Variants in TMEM132D observed in about 807,000 individuals in gnomAD.
TMEM132D encodes mature OL transmembrane protein.
Under a neutral mutation model 62.3 loss-of-function variants are expected in TMEM132D, and 21 were observed. The ratio of observed to expected loss-of-function variants is 0.34; its 90% CI spans 0.24 to 0.49. TMEM132D has a LOEUF of 0.49. Among genes scored for constraint, TMEM132D ranks in the 20% least tolerant of loss-of-function variants. The pLI, the probability that TMEM132D is intolerant of heterozygous loss-of-function variation, is 0.99. For synonymous variants in TMEM132D, 621 were observed against 575.6 expected (o/e 1.08, Z -1.13); for missense variants, 1,346 against 1,402.8 (o/e 0.96, Z 0.65).
rs537406915 is a variant in TMEM132D, at chr12:129,415,356, G to A, written c.1116-77539C>T. Among the ~76,000 whole-genome samples the A allele has an allele frequency of 5.5e-4, 84 of 152,188 alleles. 2 individuals are homozygous for A. In the South Asian group the frequency reaches 0.015, roughly 27 times the overall value. On this transcript the variant is annotated intron_variant, in intron 3 of 8. Transcript: ENST00000422113. ...TTGTTTCCTCTGTCTTTTTGGTAACGGCCATTCTAACAGGTATGTGAGGGG... is the reference window on the plus strand; with the variant it reads ...TTGTTTCCTCTGTCTTTTTGGTAACAGCCATTCTAACAGGTATGTGAGGGG...
chr12:129,189,003 C>G (rs1878306426), intron 5 of TMEM132D, among the ~76,000 whole-genome samples: 1 of 152,118 alleles, frequency 6.6e-6, no homozygotes, highest in Non-Finnish European at 1.5e-5. Flanking sequence ...TTGGTTACAA[C>G]AGAATTGATG....
intron 4 of TMEM132D, among the ~76,000 whole-genome samples, chr12:129,321,620 G>C (rs567947086): frequency 1.3e-5 from 2 of 151,644 alleles, no homozygotes; most frequent in Admixed American, 6.6e-5. Context: ...GCAGTGGCGC[G>C]ATCTCAGCTC....
chr12:129,574,502 C>T (rs1877602336), intron 2 of TMEM132D, among the ~76,000 whole-genome samples: 1 of 151,920 alleles, frequency 6.6e-6, no homozygotes, highest in South Asian at 2.1e-4. Flanking sequence ...CGAAATGATG[C>T]TACATTAGCC....
At chr12:129,303,136 C>T (rs1881764822) in intron 4 of TMEM132D, among the ~76,000 whole-genome samples, 2 of 151,988 alleles carry the variant, frequency 1.3e-5, no homozygotes, top group African/African-American at 4.8e-5. Context: ...GTGTCCCTTG[C>T]AGCCTCCACC....
chr12:129,093,630 A>G (rs1436122553), intron 5 of TMEM132D, among the ~76,000 whole-genome samples: 2 of 152,226 alleles, frequency 1.3e-5, no homozygotes, highest in Non-Finnish European at 2.9e-5. Flanking sequence ...TATAGATTCA[A>G]TGTCATCTCC....
rs756223010 is a variant in TMEM132D, at chr12:129,149,241, A to G, written c.1443+60279T>C. On this transcript the variant is annotated intron_variant, in intron 5 of 8. Transcript: ENST00000422113. ...AGGGCCTGTTGGGGGGTGGGGGGCAAGGGGAGGGAGAGCACAAGAACAAAT... is the reference window on the plus strand; with the variant it reads ...AGGGCCTGTTGGGGGGTGGGGGGCAGGGGGAGGGAGAGCACAAGAACAAAT... Among the ~76,000 whole-genome samples the G allele has an allele frequency of 7.6e-4, 110 of 145,052 alleles. 1 individual carries two copies. The highest frequency in any genetic ancestry group is 1.4e-3 in the Non-Finnish European group (91 of 65,920).
intron 4 of TMEM132D, among the ~76,000 whole-genome samples, chr12:129,254,715 C>A (rs1031748961): frequency 2.8e-4 from 42 of 152,274 alleles, no homozygotes; most frequent in African/African-American, 9.9e-4. Flanking sequence ...AGCACAGGCA[C>A]CGCCAAGGCA....
chr12:129,348,502 C>A (rs1282003482), intron 3 of TMEM132D, among the ~76,000 whole-genome samples: 12 of 151,902 alleles, frequency 7.9e-5, no homozygotes, highest in African/African-American at 2.9e-4. Flanking sequence ...GGGAGTTTAA[C>A]AATGAGAACA....
intron 1 of TMEM132D, among the ~76,000 whole-genome samples, chr12:129,770,143 G>GTTTTTTTTTTTTTTTTTTTTGTTTT (rs71082754): frequency 7.8e-6 from 1 of 128,106 alleles, no homozygotes; most frequent in Non-Finnish European, 1.5e-5. Flanking sequence ...TTTTTTGGTT[G>GTTTTTTTTTTTTTTTTTTTTGTTTT]TTTTTTTTTT....
intron 3 of TMEM132D, among the ~76,000 whole-genome samples, chr12:129,446,566 T>C (rs1873103285): frequency 6.6e-6 from 1 of 152,206 alleles, no homozygotes; most frequent in African/African-American, 2.4e-5. Flanking sequence ...TTAATGTCCA[T>C]TTTGTCCCGT....
At chr12:129,570,192 A>G (rs1877474111) in intron 2 of TMEM132D, among the ~76,000 whole-genome samples, 1 of 152,232 alleles carries the variant, frequency 6.6e-6, no homozygotes, top group East Asian at 1.9e-4. Context: ...AGTTGCTTAA[A>G]TAAATAATGG....
At chr12:129,755,507 T>C (rs1177872774) in intron 1 of TMEM132D, among the ~76,000 whole-genome samples, 1 of 152,144 alleles carries the variant, frequency 6.6e-6, no homozygotes, top group Non-Finnish European at 1.5e-5. Context: ...GGGAGCCCCC[T>C]GTGACCCGAT....
intron 1 of TMEM132D, among the ~76,000 whole-genome samples, chr12:129,786,381 C>T (rs1308462508): frequency 1.3e-5 from 2 of 152,098 alleles, no homozygotes; most frequent in East Asian, 3.9e-4. Flanking sequence ...AATACAAATG[C>T]ACAAGGGAGG....
At position 129,338,403 on chromosome 12, in the gene TMEM132D, C is replaced by T. The variant is rs77841618; in HGVS notation, c.1116-586G>A. On this transcript the variant is annotated intron_variant, in intron 3 of 8. Transcript: ENST00000422113. ...TATTACGTGGAGATGGGAGTCATTG[C>T]GACAAAGACTGGTTTCTAGACCCTC... Among the ~76,000 whole-genome samples, 894 of 152,192 alleles carry T rather than the reference C, an allele frequency of 5.9e-3. 11 individuals carry two copies. The highest frequency in any genetic ancestry group is 0.02 in the African/African-American group (837 of 41,534).
intron 5 of TMEM132D, among the ~76,000 whole-genome samples, chr12:129,167,843 G>A (rs1289364252): frequency 1.3e-5 from 2 of 152,068 alleles, no homozygotes; most frequent in South Asian, 2.1e-4. Context: ...GCTCCAGGAA[G>A]TGAAAAGAAC....
intron 3 of TMEM132D, among the ~76,000 whole-genome samples, chr12:129,433,032 C>A (rs961857706): frequency 6.6e-6 from 1 of 152,186 alleles, no homozygotes; most frequent in African/African-American, 2.4e-5. Context: ...GATGTGTACA[C>A]TTTTGTATTT....
chr12:129,620,834 G>A (rs995011436), intron 2 of TMEM132D, among the ~76,000 whole-genome samples: 1 of 152,190 alleles, frequency 6.6e-6, no homozygotes, highest in African/African-American at 2.4e-5. Flanking sequence ...GGATGAGGAA[G>A]AGGAAGGGAA....
intron 1 of TMEM132D, among the ~76,000 whole-genome samples, chr12:129,771,650 A>C (rs1870753609): frequency 2.0e-5 from 3 of 152,230 alleles, no homozygotes; most frequent in African/African-American, 4.8e-5. Context: ...GAAGAGTATC[A>C]AAATGGTCCT....
chr12:129,138,081 G>A (rs1246879050), intron 5 of TMEM132D, among the ~76,000 whole-genome samples: 3 of 151,918 alleles, frequency 2.0e-5, no homozygotes, highest in Admixed American at 2.0e-4. Context: ...ACTATAGAGG[G>A]CAAATAACAT....
Sources: allele counts gnomAD v4.1 joint callset (sites outside exome capture counted in the v4.1 genomes callset), GRCh38; gene constraint gnomAD v4.1.1; transcripts MANE v1.5; gene names NCBI Gene and HGNC (gene_info 2026-07-23, HGNC 2026-07-21).